AKAP19: variants seen among roughly 807,000 people sequenced by gnomAD.
AKAP19 encodes A-kinase anchoring protein 19, also known as small A-kinase anchoring protein.
the AKAP19 span, among the ~76,000 whole-genome samples, chr2:190,143,406 G>A: frequency 4.0e-5 from 6 of 151,752 alleles, no homozygotes; most frequent in African/African-American, 1.5e-4. Context: ...TAGTCATCCT[G>A]TAGATCTAGC....
At chr2:189,883,549 ACCTTTTTC>A in the AKAP19 span, among the ~76,000 whole-genome samples, 1 of 148,512 alleles carries the variant, frequency 6.7e-6, no homozygotes. Context: ...ATTTGGAACA[ACCTTTTTC>A]CCCTTACTTA....
At chr2:189,922,438 ATGGGTAT>A in the AKAP19 span, among the ~76,000 whole-genome samples, 1 of 152,238 alleles carries the variant, frequency 6.6e-6, no homozygotes, top group Admixed American at 6.5e-5. Context: ...TAAACTAGAC[ATGGGTAT>A]AGAGAGAAGT....
the AKAP19 span, among the ~76,000 whole-genome samples, chr2:190,021,836 C>T: frequency 0.034 from 5,230 of 152,252 alleles, 286 homozygotes; most frequent in African/African-American, 0.12. Context: ...TGTTTCCTGT[C>T]TATAACAGAA....
chr2:190,145,350 T>G, the AKAP19 span, among the ~76,000 whole-genome samples: 2 of 152,214 alleles, frequency 1.3e-5, no homozygotes, highest in Admixed American at 1.3e-4. Context: ...ATAGATACAC[T>G]GTGATTTATT....
the AKAP19 span, among the ~76,000 whole-genome samples, chr2:189,934,707 CTA>C: frequency 6.6e-6 from 1 of 151,042 alleles, no homozygotes; most frequent in African/African-American, 2.4e-5. Context: ...ATAATTAATA[CTA>C]TCTTGTTTTT....
the AKAP19 span, among the ~76,000 whole-genome samples, chr2:190,098,561 A>G: frequency 2.0e-4 from 30 of 152,268 alleles, no homozygotes; most frequent in East Asian, 5.0e-3. Context: ...TAGATCTAGC[A>G]TAATTCTTAA....
At chr2:190,067,017 C>T in the AKAP19 span, among the ~76,000 whole-genome samples, 1 of 152,106 alleles carries the variant, frequency 6.6e-6, no homozygotes, top group Non-Finnish European at 1.5e-5. Context: ...TCCCCTAAAG[C>T]AGTGATTCTC....
At chr2:190,192,817 C>A in the AKAP19 span, among the ~76,000 whole-genome samples, 1 of 152,064 alleles carries the variant, frequency 6.6e-6, no homozygotes, top group Non-Finnish European at 1.5e-5. Context: ...ATTTCATCTT[C>A]TGCTAAGTTT....
chr2:190,051,358 C>T, the AKAP19 span, among the ~76,000 whole-genome samples: 1 of 152,100 alleles, frequency 6.6e-6, no homozygotes, highest in Non-Finnish European at 1.5e-5. Context: ...AAGGCTGTGT[C>T]AATATATATA....
chr2:190,053,204 G>A, the AKAP19 span, among the ~76,000 whole-genome samples: 1 of 152,086 alleles, frequency 6.6e-6, no homozygotes, highest in Non-Finnish European at 1.5e-5. Flanking sequence ...ACCTTTATAA[G>A]TTATCTTATT....
At chr2:190,039,560 G>T in the AKAP19 span, among the ~76,000 whole-genome samples, 1 of 151,884 alleles carries the variant, frequency 6.6e-6, no homozygotes, top group Non-Finnish European at 1.5e-5. Context: ...GCATGTAAAG[G>T]TTTGTTACAT....
the AKAP19 span, chr2:190,202,791 C>G: frequency 3.6e-5 from 6 of 167,026 alleles, no homozygotes; most frequent in Non-Finnish European, 7.3e-5. Flanking sequence ...AGCAGGTTAT[C>G]AGAGAAAATA....
the AKAP19 span, chr2:190,062,117 T>G: frequency 1.4e-5 from 17 of 1,206,892 alleles, no homozygotes; most frequent in Non-Finnish European, 2.0e-5. Context: ...TCTACTTACA[T>G]ACAGGCCAAC....
At chr2:190,133,541 A>C in the AKAP19 span, among the ~76,000 whole-genome samples, 2 of 152,176 alleles carry the variant, frequency 1.3e-5, no homozygotes, top group African/African-American at 4.8e-5. Flanking sequence ...TGATCCAGCA[A>C]AGGAAAGTAT....
chr2:190,013,751 C>T, the AKAP19 span, among the ~76,000 whole-genome samples: 3 of 152,168 alleles, frequency 2.0e-5, no homozygotes, highest in East Asian at 1.9e-4. Flanking sequence ...ATCTCCTGAC[C>T]TCATGATCCA....
At chr2:189,976,211 C>T in the AKAP19 span, among the ~76,000 whole-genome samples, 1 of 152,256 alleles carries the variant, frequency 6.6e-6, no homozygotes, top group Non-Finnish European at 1.5e-5. Context: ...GGATCCTCCA[C>T]TGCAGGCCTG....
the AKAP19 span, among the ~76,000 whole-genome samples, chr2:190,134,752 G>T: frequency 1.0e-5 from 1 of 99,492 alleles, no homozygotes; most frequent in South Asian, 2.6e-4. Flanking sequence ...AGTTAAATTA[G>T]ATCTGTTTTC....
At chr2:189,994,366 T>C in the AKAP19 span, among the ~76,000 whole-genome samples, 8 of 151,900 alleles carry the variant, frequency 5.3e-5, no homozygotes, top group African/African-American at 1.7e-4. Flanking sequence ...CTTGTTTCTC[T>C]AGTTCCTTGA....
the AKAP19 span, among the ~76,000 whole-genome samples, chr2:190,132,315 C>T: frequency 6.6e-6 from 1 of 152,212 alleles, no homozygotes; most frequent in East Asian, 1.9e-4. Context: ...TATGGAACCA[C>T]AAGAGACCCT....
Sources: gnomAD v4.1 joint callset for allele counts (sites outside exome capture counted in the v4.1 genomes callset) on GRCh38, gnomAD v4.1.1 for gene constraint, MANE v1.5 for transcripts, NCBI Gene and HGNC (gene_info 2026-07-23, HGNC 2026-07-21) for gene names.